Variants in SLC16A10 observed in about 807,000 individuals in gnomAD.
SLC16A10 encodes the protein monocarboxylate transporter 10.
In SLC16A10, 27 loss-of-function variants were observed where a neutral mutation model predicts 40.0. The observed-to-expected ratio is 0.67, with a 90% CI of 0.50 to 0.93. The LOEUF is 0.93. Ranked by LOEUF, SLC16A10 falls within the 40% of genes least tolerant of loss-of-function variation. The pLI, the probability that SLC16A10 is intolerant of heterozygous loss-of-function variation, is 0.00. For missense variants in SLC16A10, 529 were observed against 658.2 expected (o/e 0.80, Z 2.15); for synonymous variants, 213 against 249.8 (o/e 0.85, Z 1.39).
chr6:111,196,368 T>C (rs1773079920), intron 3 of SLC16A10, among the ~76,000 whole-genome samples: 1 of 152,030 alleles, frequency 6.6e-6, no homozygotes, highest in Non-Finnish European at 1.5e-5. Flanking sequence ...AAATAAAAAT[T>C]AGCTGAGCAT....
chr6:111,144,735 C>G (rs1403247230), intron 1 of SLC16A10, among the ~76,000 whole-genome samples: 1 of 152,196 alleles, frequency 6.6e-6, no homozygotes, highest in African/African-American at 2.4e-5. Context: ...GTGATGTTGG[C>G]ACAGGTACAT....
At chr6:111,103,561 G>A (rs1051784294) in intron 1 of SLC16A10, among the ~76,000 whole-genome samples, 2 of 152,108 alleles carry the variant, frequency 1.3e-5, no homozygotes, top group African/African-American at 2.4e-5. Flanking sequence ...TGAGAGCCAC[G>A]CAAGAAACAA....
At chr6:111,152,351 C>G (rs1772187056) in intron 1 of SLC16A10, among the ~76,000 whole-genome samples, 1 of 152,162 alleles carries the variant, frequency 6.6e-6, no homozygotes, top group Non-Finnish European at 1.5e-5. Context: ...CTGCTGTTTT[C>G]TCAGCATCTA....
At position 111,227,381 on chromosome 6, in the gene SLC16A10, G is replaced by C. The variant is rs1298195966; in HGVS notation, c.*5146G>C. On this transcript the variant is annotated 3_prime_UTR_variant, in exon 6 of 6. Transcript: ENST00000368851. ...ACGATTCTCAAGAACAAAGCCGAATGCTCGCAGTTAAGTGTGAAGCTTGCA... is the reference window on the plus strand; with the variant it reads ...ACGATTCTCAAGAACAAAGCCGAATCCTCGCAGTTAAGTGTGAAGCTTGCA... 6.6e-6 allele frequency: 1 copy of C among 152,168 alleles called. No individual in the cohort carries two copies. The highest frequency in any genetic ancestry group is 2.4e-5 in the African/African-American group (1 of 41,444). The allele number at this position is 152,168 out of a possible 1,614,324, so 9.4% of individuals were successfully genotyped here.
chr6:111,096,960 C>T (rs899498977), intron 1 of SLC16A10, among the ~76,000 whole-genome samples: 3 of 152,124 alleles, frequency 2.0e-5, no homozygotes, highest in African/African-American at 7.2e-5. Flanking sequence ...GCTGGGATTA[C>T]AGGCACATAC....
intron 1 of SLC16A10, among the ~76,000 whole-genome samples, chr6:111,125,480 A>G (rs1202592031): frequency 2.0e-5 from 3 of 151,602 alleles, no homozygotes; most frequent in African/African-American, 7.3e-5. Context: ...TCATTGAAAA[A>G]CTCTGACTTA....
chr6:111,106,834 C>T lies in SLC16A10; in HGVS notation c.343+18739C>T, dbSNP rs112866941. On this transcript the variant is annotated intron_variant, in intron 1 of 5. Coordinates refer to ENST00000368851, the MANE Select transcript of SLC16A10 (RefSeq NM_018593.5). ...CAGTGAAAATACATTGATACACTGT[C>T]TTGTGGTAGATTTTCAGATAGGCTT... 2.6e-3 allele frequency among the ~76,000 whole-genome samples: 389 copies of T among 152,286 alleles called. 3 individuals carry two copies. Among genetic ancestry groups the T allele is most frequent in the African/African-American group, 8.9e-3 (369 of 41,564 alleles).
chr6:111,210,340 G>A (rs1337703631), intron 4 of SLC16A10, among the ~76,000 whole-genome samples: 2 of 152,212 alleles, frequency 1.3e-5, no homozygotes, highest in Non-Finnish European at 2.9e-5. Flanking sequence ...AGAAGGAAGT[G>A]AAGAGAGTTG....
chr6:111,196,493 AAT>A lies in SLC16A10; in HGVS notation c.943-10097_943-10096del. Among the ~76,000 whole-genome samples, 6 of 152,292 alleles carry A rather than the reference AAT, an allele frequency of 3.9e-5. No homozygotes were observed. The South Asian group carries it at 1.2e-3, about 32-fold the overall frequency. ...CGAGACCCCATCTCAAAACAAAAAC[AAT>A]AAAACAGAACACAGATTAAAAACAA... On this transcript the variant is annotated intron_variant, in intron 3 of 5. Transcript: ENST00000368851.
intron 1 of SLC16A10, among the ~76,000 whole-genome samples, chr6:111,125,716 T>TA (rs1233500955): frequency 1.3e-5 from 2 of 152,188 alleles, no homozygotes; most frequent in Non-Finnish European, 2.9e-5. Flanking sequence ...AATTGCTATA[T>TA]AAAAAATGTA....
chr6:111,185,697 T>C (rs532435718), intron 3 of SLC16A10, among the ~76,000 whole-genome samples: 15 of 152,296 alleles, frequency 9.8e-5, no homozygotes, highest in Admixed American at 9.2e-4. Flanking sequence ...AAAATGGACA[T>C]GTACAAATTT....
intron 1 of SLC16A10, among the ~76,000 whole-genome samples, chr6:111,108,563 TTTCA>T (rs1771327666): frequency 6.6e-6 from 1 of 152,186 alleles, no homozygotes; most frequent in African/African-American, 2.4e-5. Flanking sequence ...TATCTTTTAA[TTTCA>T]TTCTTTAGTG....
intron 1 of SLC16A10, among the ~76,000 whole-genome samples, chr6:111,122,261 G>C (rs772404413): frequency 6.6e-5 from 10 of 152,196 alleles, no homozygotes; most frequent in Non-Finnish European, 1.5e-4. Context: ...ACCGGACTCT[G>C]TATCTTGGCT....
chr6:111,136,313 A>G (rs960523983), intron 1 of SLC16A10, among the ~76,000 whole-genome samples: 1 of 152,202 alleles, frequency 6.6e-6, no homozygotes, highest in African/African-American at 2.4e-5. Flanking sequence ...CTTGCAACCC[A>G]TGGCATACCT....
At chr6:111,096,992 A>T (rs552672808) in intron 1 of SLC16A10, among the ~76,000 whole-genome samples, 4 of 151,644 alleles carry the variant, frequency 2.6e-5, no homozygotes, top group Non-Finnish European at 5.9e-5. Flanking sequence ...GCTAATTTTT[A>T]AAAATTTTTT....
rs528658673 is a variant in SLC16A10 at position 111,184,010 on chromosome 6, G to T, written c.942+6345G>T. ...GCCAAATATGACAATGATAAATGCC[G>T]AAGAATGACAGTGACAATGATAATG... On this transcript the variant is annotated intron_variant, in intron 3 of 5. Coordinates refer to ENST00000368851, the MANE Select transcript of SLC16A10 (RefSeq NM_018593.5). Among the ~76,000 whole-genome samples the T allele has an allele frequency of 1.2e-3, 177 of 152,188 alleles. 1 individual carries two copies. Among genetic ancestry groups the T allele is most frequent in the African/African-American group, 4.1e-3 (172 of 41,482 alleles).
chr6:111,131,548 C>T (rs1356753242), intron 1 of SLC16A10, among the ~76,000 whole-genome samples: 2 of 152,150 alleles, frequency 1.3e-5, no homozygotes, highest in Admixed American at 6.5e-5. Context: ...CTGTTCTGCC[C>T]TATTCTTCAT....
intron 3 of SLC16A10, among the ~76,000 whole-genome samples, chr6:111,181,465 A>T (rs1477273965): frequency 6.6e-6 from 1 of 152,242 alleles, no homozygotes; most frequent in Non-Finnish European, 1.5e-5. Flanking sequence ...AGATAGAAGT[A>T]AATTTTGAAA....
intron 1 of SLC16A10, among the ~76,000 whole-genome samples, chr6:111,117,269 G>A (rs549032437): frequency 4.0e-5 from 6 of 151,266 alleles, no homozygotes; most frequent in African/African-American, 1.5e-4. Flanking sequence ...GGAGAATGGC[G>A]TGAACCCGGG....
Sources: allele counts gnomAD v4.1 joint callset (sites outside exome capture counted in the v4.1 genomes callset), GRCh38; gene constraint gnomAD v4.1.1; transcripts MANE v1.5; gene names NCBI Gene and HGNC (gene_info 2026-07-23, HGNC 2026-07-21).